TACR1: variants seen among roughly 807,000 people sequenced by gnomAD.
TACR1 encodes the protein substance-P receptor.
In TACR1, 25 loss-of-function variants were observed where a neutral mutation model predicts 35.8. That is an observed-to-expected ratio of 0.70 (90% CI 0.51 to 0.98). TACR1 has a LOEUF of 0.98. TACR1 is among the 50% of genes least tolerant of loss of function. The pLI is 0.00. For missense variants in TACR1, 478 were observed against 522.9 expected, an observed-to-expected ratio of 0.91 and a Z score of 0.84; for synonymous variants, 195 against 206.7, an observed-to-expected ratio of 0.94 and a Z score of 0.48.
At chr2:75,079,321 A>G (rs777153834) in intron 2 of TACR1, among the ~76,000 whole-genome samples, 6 of 152,118 alleles carry the variant, frequency 3.9e-5, no homozygotes, top group Admixed American at 1.3e-4. Context: ...AAGTTTCCTG[A>G]GCATGTCTCT....
chr2:75,159,730 T>G (rs1361236857), intron 1 of TACR1, among the ~76,000 whole-genome samples: 1 of 152,146 alleles, frequency 6.6e-6, no homozygotes, highest in Non-Finnish European at 1.5e-5. Flanking sequence ...TGCACTGGCT[T>G]GAGGCTACAA....
intron 2 of TACR1, chr2:75,118,719 G>A (rs1673910193): frequency 6.6e-6 from 1 of 152,204 alleles, no homozygotes; most frequent in African/African-American, 2.4e-5. Context: ...TGTAGAAAGT[G>A]ATCAGATTTT....
chr2:75,057,868 C>T (rs1162540055), intron 2 of TACR1, among the ~76,000 whole-genome samples: 1 of 152,064 alleles, frequency 6.6e-6, no homozygotes, highest in African/African-American at 2.4e-5. Context: ...GAATTGTACA[C>T]TATAAAATGG....
At position 75,051,273 on chromosome 2, in the gene TACR1, T is replaced by A. The variant is rs201272146; in HGVS notation, c.910A>T (p.Ile304Phe). The A allele has an allele frequency of 1.2e-5, 20 of 1,614,104 alleles. No individual in the cohort carries two copies. Among genetic ancestry groups the A allele is most frequent in the Non-Finnish European group, 1.4e-5 (16 of 1,180,038 alleles). ...AMSSTMYNPI[I>F]YCCLNDRFRL... ...CACCTGTCATTGAGGCAGCAGTAGATGATGGGGTTGTACATGGTGGAGCTC... is the reference window on the plus strand; with the variant it reads ...CACCTGTCATTGAGGCAGCAGTAGAAGATGGGGTTGTACATGGTGGAGCTC... The change falls in exon 4 of 5, where the codon ATC (isoleucine) becomes TTC (phenylalanine). Residue 304 changes from isoleucine to phenylalanine, a missense_variant. Physicochemically the swap from Ile to Phe is conservative, Grantham distance 21. Coordinates refer to ENST00000305249, the MANE Select transcript of TACR1 (RefSeq NM_001058.4).
At chr2:75,072,970 C>G (rs554496761) in intron 2 of TACR1, among the ~76,000 whole-genome samples, 220 of 144,020 alleles carry the variant, frequency 1.5e-3, no homozygotes, top group Non-Finnish European at 1.9e-3. Flanking sequence ...CTAAACTAAA[C>G]TAGACTAAAC....
At chr2:75,091,066 C>T (rs1204182354) in intron 2 of TACR1, among the ~76,000 whole-genome samples, 1 of 151,834 alleles carries the variant, frequency 6.6e-6, no homozygotes, top group African/African-American at 2.4e-5. Context: ...CAAGATATAA[C>T]CTTCATTCTT....
At chr2:75,189,950 T>A (rs1045063471) in intron 1 of TACR1, 2 of 152,232 alleles carry the variant, frequency 1.3e-5, no homozygotes, top group Admixed American at 6.5e-5. Flanking sequence ...ATTGATTTGA[T>A]TAAGTTTGAA....
At chr2:75,077,206 G>T (rs1274328584) in intron 2 of TACR1, among the ~76,000 whole-genome samples, 1 of 152,166 alleles carries the variant, frequency 6.6e-6, no homozygotes, top group Non-Finnish European at 1.5e-5. Flanking sequence ...CTGACCTCAG[G>T]TGACCCACCC....
chr2:75,168,624 C>A (rs1675202975), intron 1 of TACR1, among the ~76,000 whole-genome samples: 1 of 152,208 alleles, frequency 6.6e-6, no homozygotes, highest in Non-Finnish European at 1.5e-5. Context: ...CACTGTTGAT[C>A]TGTGGCGGAC....
chr2:75,120,674 C>T lies in TACR1; in HGVS notation c.484G>A (p.Ala162Thr). Reference sequence around the variant, plus strand: ...GTTGAGTAGTAGCCCTGGGGGAAGGCCAGCAGGAGAGCCAGGACCCAGATG... The same window carrying T: ...GTTGAGTAGTAGCCCTGGGGGAAGGTCAGCAGGAGAGCCAGGACCCAGATG... Reference protein sequence around the residue: ...CVIWVLALLLAFPQGYYSTTE... With the variant: ...CVIWVLALLLTFPQGYYSTTE... The change falls in exon 2 of 5, where the codon GCC becomes ACC. Residue 162 changes from alanine (A) to threonine (T), a missense_variant. Ala to Thr is a moderately conservative substitution (Grantham distance 58). Transcript: ENST00000305249. 2 of 1,613,928 alleles carry T rather than the reference C, an allele frequency of 1.2e-6. No individual in the cohort carries two copies. Among genetic ancestry groups the T allele is most frequent in the South Asian group, 1.1e-5 (1 of 91,056 alleles).
chr2:75,130,205 T>C (rs1004779941), intron 1 of TACR1, among the ~76,000 whole-genome samples: 4 of 152,204 alleles, frequency 2.6e-5, no homozygotes, highest in Non-Finnish European at 5.9e-5. Flanking sequence ...TGCCTCACCC[T>C]AATCCCAGCC....
chr2:75,194,246 T>C (rs904717618), intron 1 of TACR1, among the ~76,000 whole-genome samples: 1 of 152,142 alleles, frequency 6.6e-6, no homozygotes, highest in Non-Finnish European at 1.5e-5. Flanking sequence ...GAAATCTAAA[T>C]GACCCATCTG....
intron 1 of TACR1, among the ~76,000 whole-genome samples, chr2:75,184,752 G>A (rs1675647588): frequency 6.6e-6 from 1 of 150,726 alleles, no homozygotes; most frequent in Admixed American, 6.6e-5. Flanking sequence ...ATATATATTA[G>A]GTTCTATATT....
intron 1 of TACR1, among the ~76,000 whole-genome samples, chr2:75,173,552 A>G (rs1312715180): frequency 6.6e-6 from 1 of 152,190 alleles, no homozygotes; most frequent in Non-Finnish European, 1.5e-5. Flanking sequence ...TGTTAGACTA[A>G]AGAAGAAACA....
chr2:75,153,608 C>T (rs1162723039), intron 1 of TACR1, among the ~76,000 whole-genome samples: 2 of 152,200 alleles, frequency 1.3e-5, no homozygotes, highest in Non-Finnish European at 2.9e-5. Context: ...CATTAAAATA[C>T]ATCTCTTAAT....
At chr2:75,128,628 G>T (rs1443727557) in intron 1 of TACR1, among the ~76,000 whole-genome samples, 4 of 152,166 alleles carry the variant, frequency 2.6e-5, no homozygotes, top group African/African-American at 9.7e-5. Context: ...GGAGTGGCTG[G>T]GGTGAAGCAG....
chr2:75,133,234 AT>A (rs1303027839), intron 1 of TACR1, among the ~76,000 whole-genome samples: 2 of 152,210 alleles, frequency 1.3e-5, no homozygotes, highest in African/African-American at 4.8e-5. Context: ...AGAAGAAAAA[AT>A]TTTTTGTGCG....
At chr2:75,126,353 C>T (rs941987032) in intron 1 of TACR1, among the ~76,000 whole-genome samples, 4 of 152,020 alleles carry the variant, frequency 2.6e-5, no homozygotes, top group Non-Finnish European at 2.9e-5. Flanking sequence ...AGGCTGATTC[C>T]ATGTCTTTGC....
At chr2:75,122,126 T>G (rs1297491972) in intron 1 of TACR1, among the ~76,000 whole-genome samples, 1 of 152,166 alleles carries the variant, frequency 6.6e-6, no homozygotes, top group African/African-American at 2.4e-5. Flanking sequence ...AATAAGCAGC[T>G]CAAAACACAG....
Sources: allele counts gnomAD v4.1 joint callset (sites outside exome capture counted in the v4.1 genomes callset), GRCh38; gene constraint gnomAD v4.1.1; transcripts MANE v1.5; gene names NCBI Gene and HGNC (gene_info 2026-07-23, HGNC 2026-07-21).